The following ERBB4 variants were observed in gnomAD, a reference collection of about 807,000 sequenced individuals.
ERBB4 encodes the protein erb-b2 receptor tyrosine kinase 4, also known as receptor tyrosine-protein kinase erbB-4.
A neutral mutation model predicts 158.0 loss-of-function variants in ERBB4; 42 were observed. The ratio of observed to expected loss-of-function variants is 0.27; its 90% CI spans 0.21 to 0.34. The LOEUF (loss-of-function observed/expected upper bound fraction) is 0.34. Ranked by LOEUF, ERBB4 falls within the 10% of genes least tolerant of loss-of-function variation. The pLI is 1.00. For missense variants in ERBB4, 1,333 were observed against 1,624.1 expected (o/e 0.82, Z 3.08); for synonymous variants, 583 against 558.7 (o/e 1.04, Z -0.61).
In ERBB4 at chr2:211,580,853, TAGTATGC is replaced by T. The variant is rs1288975786; in HGVS notation, c.2302-18772_2302-18766del. 1.2e-3 allele frequency among the ~76,000 whole-genome samples: 33 copies of T among 26,454 alleles called. 1 individual carries two copies. The highest frequency in any genetic ancestry group is 1.8e-3 in the African/African-American group (31 of 16,810). 17.4% of individuals were successfully genotyped at this position (26,454 alleles called of 152,430 possible). ...ATATATAGATTATATATTATATATA[TAGTATGC>T]ATATACATATATATATATATATATA... On this transcript the variant is annotated intron_variant, in intron 19 of 27. Transcript: ENST00000342788.
chr2:212,414,875 C>T (rs1052204544), intron 1 of ERBB4, among the ~76,000 whole-genome samples: 15 of 152,238 alleles, frequency 9.9e-5, no homozygotes, highest in Non-Finnish European at 1.5e-4. Context: ...AATGGCTACA[C>T]GCACAGATTT....
chr2:211,866,870 A>T (rs1225880652), intron 3 of ERBB4, among the ~76,000 whole-genome samples: 1 of 151,980 alleles, frequency 6.6e-6, no homozygotes, highest in African/African-American at 2.4e-5. Context: ...AAAAAAATAA[A>T]AGGAACAAAC....
chr2:211,976,503 G>A (rs1376447734), intron 2 of ERBB4, among the ~76,000 whole-genome samples: 1 of 151,976 alleles, frequency 6.6e-6, no homozygotes, highest in Non-Finnish European at 1.5e-5. Context: ...GGGAATGGAA[G>A]GTGAATCAAG....
intron 2 of ERBB4, among the ~76,000 whole-genome samples, chr2:211,984,528 T>C (rs1277853636): frequency 1.3e-5 from 2 of 152,142 alleles, no homozygotes; most frequent in Admixed American, 1.3e-4. Flanking sequence ...CATGTGTACA[T>C]GTGCCCGTGT....
intron 3 of ERBB4, among the ~76,000 whole-genome samples, chr2:211,791,849 G>A (rs1376262404): frequency 6.6e-6 from 1 of 151,668 alleles, no homozygotes; most frequent in African/African-American, 2.4e-5. Flanking sequence ...AAACGTTTCC[G>A]ACTAGATTAA....
chr2:211,890,667 C>A (rs968715955), intron 3 of ERBB4, among the ~76,000 whole-genome samples: 6 of 131,766 alleles, frequency 4.6e-5, no homozygotes, highest in Non-Finnish European at 8.0e-5. Context: ...ACCCATCTCA[C>A]GTGCAGAGAC....
At chr2:212,339,733 G>GTTT (rs1305651352) in intron 1 of ERBB4, among the ~76,000 whole-genome samples, 1 of 151,928 alleles carries the variant, frequency 6.6e-6, no homozygotes, top group East Asian at 1.9e-4. Flanking sequence ...AAAACTTGGG[G>GTTT]TTTTATAGTA....
At chr2:211,883,543 C>T (rs905397615) in intron 3 of ERBB4, among the ~76,000 whole-genome samples, 5 of 151,970 alleles carry the variant, frequency 3.3e-5, no homozygotes, top group East Asian at 1.9e-4. Context: ...TTTGGGAGGC[C>T]GAGGCGTGAA....
chr2:212,487,471 T>C (rs1173338359), intron 1 of ERBB4, among the ~76,000 whole-genome samples: 1 of 151,886 alleles, frequency 6.6e-6, no homozygotes, highest in East Asian at 1.9e-4. Flanking sequence ...AAAAATTAAG[T>C]TTTAAAAGTT....
intron 1 of ERBB4, among the ~76,000 whole-genome samples, chr2:212,374,722 G>T (rs1159114601): frequency 6.6e-6 from 1 of 151,860 alleles, no homozygotes; most frequent in African/African-American, 2.4e-5. Flanking sequence ...CCTCCAGAAA[G>T]GTTCCTATTA....
intron 2 of ERBB4, among the ~76,000 whole-genome samples, chr2:212,119,285 T>C (rs2079670835): frequency 6.6e-6 from 1 of 152,146 alleles, no homozygotes; most frequent in African/African-American, 2.4e-5. Context: ...AGTATACTTC[T>C]TTACACATAA....
intron 1 of ERBB4, among the ~76,000 whole-genome samples, chr2:212,228,201 C>T (rs1398906490): frequency 6.6e-6 from 1 of 152,100 alleles, no homozygotes; most frequent in Non-Finnish European, 1.5e-5. Context: ...GCAACTAATC[C>T]TATTTAACTA....
intron 4 of ERBB4, among the ~76,000 whole-genome samples, chr2:211,783,522 A>G (rs2076084494): frequency 6.6e-6 from 1 of 152,112 alleles, no homozygotes; most frequent in Admixed American, 6.6e-5. Context: ...AATAGCTCTT[A>G]TTATTTTGAG....
chr2:212,519,795 G>T (rs145231624), intron 1 of ERBB4, among the ~76,000 whole-genome samples: 1 of 151,672 alleles, frequency 6.6e-6, no homozygotes, highest in Non-Finnish European at 1.5e-5. Context: ...ATAGAGAGAG[G>T]TTGGTTAAAG....
intron 20 of ERBB4, among the ~76,000 whole-genome samples, chr2:211,536,014 C>T (rs574049640): frequency 9.2e-5 from 14 of 151,450 alleles, no homozygotes; most frequent in South Asian, 2.1e-4. Flanking sequence ...ACTGGAAAAG[C>T]GAATGGGAAC....
chr2:211,473,501 A>G (rs1337710886), intron 20 of ERBB4, among the ~76,000 whole-genome samples: 1 of 152,132 alleles, frequency 6.6e-6, no homozygotes, highest in Non-Finnish European at 1.5e-5. Context: ...CTCCTGTAAA[A>G]AGGGCCAGCT....
chr2:211,541,035 T>G (rs1318116776), intron 20 of ERBB4, among the ~76,000 whole-genome samples: 1 of 151,950 alleles, frequency 6.6e-6, no homozygotes. Flanking sequence ...AGGTGTCAAT[T>G]TGCTCTCTCC....
intron 1 of ERBB4, among the ~76,000 whole-genome samples, chr2:212,349,337 A>G (rs2089154551): frequency 6.7e-6 from 1 of 150,052 alleles, no homozygotes; most frequent in Non-Finnish European, 1.5e-5. Context: ...CAAGTGTTTG[A>G]CAGCCCTGCT....
chr2:212,063,204 T>C (rs1424808573), intron 2 of ERBB4, among the ~76,000 whole-genome samples: 2 of 152,124 alleles, frequency 1.3e-5, no homozygotes, highest in African/African-American at 4.8e-5. Context: ...CAAAGAGTAA[T>C]AAAATGATCT....
Sources: gnomAD v4.1 joint callset for allele counts (sites outside exome capture counted in the v4.1 genomes callset) on GRCh38, gnomAD v4.1.1 for gene constraint, MANE v1.5 for transcripts, NCBI Gene and HGNC (gene_info 2026-07-23, HGNC 2026-07-21) for gene names.